Variants in POU6F2 observed in about 807,000 individuals in gnomAD.
The protein encoded by POU6F2 is POU domain, class 6, transcription factor 2.
A neutral mutation model predicts 71.3 loss-of-function variants in POU6F2; 31 were observed. That is an observed-to-expected ratio of 0.43 (90% CI 0.33 to 0.59). POU6F2 has a LOEUF of 0.59. Ranked by LOEUF, POU6F2 falls within the 20% of genes least tolerant of loss-of-function variation. The pLI is 0.04. For synonymous variants in POU6F2, 347 were observed against 355.7 expected, an observed-to-expected ratio of 0.98 and a Z score of 0.27; for missense variants, 783 against 856.8, an observed-to-expected ratio of 0.91 and a Z score of 1.07.
rs547222132 is a variant in POU6F2, at chr7:39,202,310, G to A, written c.278-1925G>A. Among the ~76,000 whole-genome samples the A allele has an allele frequency of 3.9e-5, 6 of 152,252 alleles. No homozygotes were observed. In the South Asian group the frequency reaches 1.2e-3, roughly 32 times the overall value. ...AAAGAAAAAAGAGACAGAAGGGCTT[G>A]GCATGGTATAGAAATTTTTTAGAAT... On this transcript the variant is annotated intron_variant, in intron 2 of 9. Coordinates refer to ENST00000518318, the MANE Select transcript of POU6F2 (RefSeq NM_001370959.1).
intron 5 of POU6F2, among the ~76,000 whole-genome samples, chr7:39,357,305 T>C (rs2115695355): frequency 6.6e-6 from 1 of 152,280 alleles, no homozygotes; most frequent in Middle Eastern, 3.4e-3. Context: ...ACAAAAACAC[T>C]GCTGGGCACT....
chr7:39,275,123 A>C (rs938552263), intron 4 of POU6F2, among the ~76,000 whole-genome samples: 1 of 152,146 alleles, frequency 6.6e-6, no homozygotes, highest in Non-Finnish European at 1.5e-5. Context: ...CCCTGTTTGC[A>C]GATGACATGA....
intron 1 of POU6F2, among the ~76,000 whole-genome samples, chr7:39,047,374 C>T (rs1191521069): frequency 1.3e-5 from 2 of 151,760 alleles, no homozygotes; most frequent in Non-Finnish European, 2.9e-5. Flanking sequence ...TATTTCTTTA[C>T]CTCCCTTTAT....
At chr7:39,443,241 G>A (rs934801737) in intron 7 of POU6F2, among the ~76,000 whole-genome samples, 19 of 152,158 alleles carry the variant, frequency 1.2e-4, no homozygotes, top group Admixed American at 1.2e-3. Context: ...TCTTGGGGAT[G>A]TACCTTGCAA....
At chr7:39,433,855 C>T (rs1788167068) in intron 7 of POU6F2, among the ~76,000 whole-genome samples, 2 of 152,196 alleles carry the variant, frequency 1.3e-5, no homozygotes, top group South Asian at 4.1e-4. Flanking sequence ...TGGTCCCTGA[C>T]CTCATGGAGT....
chr7:39,330,338 A>G (rs1261782531), intron 4 of POU6F2, among the ~76,000 whole-genome samples: 1 of 152,150 alleles, frequency 6.6e-6, no homozygotes, highest in Non-Finnish European at 1.5e-5. Flanking sequence ...TTAAGTCTCT[A>G]TTTGTTCTGT....
chr7:39,154,512 A>T (rs1265777064), intron 2 of POU6F2, among the ~76,000 whole-genome samples: 2 of 152,140 alleles, frequency 1.3e-5, no homozygotes. Context: ...CACATCTAAG[A>T]TCCTTAAAGG....
intron 1 of POU6F2, among the ~76,000 whole-genome samples, chr7:39,032,462 A>G (rs1337263127): frequency 1.3e-5 from 2 of 152,230 alleles, no homozygotes; most frequent in African/African-American, 4.8e-5. Context: ...CAGTTGAATG[A>G]GGTTTGCACA....
intron 5 of POU6F2, among the ~76,000 whole-genome samples, chr7:39,354,272 T>G (rs1583546148): frequency 6.6e-6 from 1 of 152,400 alleles, no homozygotes; most frequent in African/African-American, 2.4e-5. Context: ...GCTTTTGTTT[T>G]TTCCATTTAA....
intron 2 of POU6F2, among the ~76,000 whole-genome samples, chr7:39,164,274 T>C (rs189092198): frequency 4.6e-5 from 7 of 151,204 alleles, no homozygotes; most frequent in African/African-American, 1.4e-4. Context: ...CATCGATTTT[T>C]TTTTTACCGT....
chr7:39,286,865 G>A (rs1784659400), intron 4 of POU6F2, among the ~76,000 whole-genome samples: 1 of 151,866 alleles, frequency 6.6e-6, no homozygotes. Flanking sequence ...TGGCCTCAAG[G>A]GATCCTCCCA....
intron 2 of POU6F2, among the ~76,000 whole-genome samples, chr7:39,090,961 A>T (rs1043608932): frequency 6.6e-6 from 1 of 151,284 alleles, no homozygotes; most frequent in Non-Finnish European, 1.5e-5. Flanking sequence ...GAAAAAAAAA[A>T]TGCACATTTG....
intron 1 of POU6F2, among the ~76,000 whole-genome samples, chr7:39,045,719 T>C (rs1164844120): frequency 6.6e-6 from 1 of 151,900 alleles, no homozygotes; most frequent in Non-Finnish European, 1.5e-5. Context: ...CTACAGCCAG[T>C]CTCCACTCCT....
chr7:39,066,748 A>T (rs1562692290), intron 1 of POU6F2, among the ~76,000 whole-genome samples: 1 of 150,882 alleles, frequency 6.6e-6, no homozygotes, highest in Admixed American at 6.6e-5. Flanking sequence ...AATTTGACAA[A>T]ATGATTCTAA....
chr7:39,309,646 T>TA (rs928309859), intron 4 of POU6F2, among the ~76,000 whole-genome samples: 1 of 152,238 alleles, frequency 6.6e-6, no homozygotes, highest in African/African-American at 2.4e-5. Flanking sequence ...GTTAACATTT[T>TA]AATTGCATAA....
intron 2 of POU6F2, among the ~76,000 whole-genome samples, chr7:39,139,554 A>G (rs892751759): frequency 1.3e-5 from 2 of 152,162 alleles, no homozygotes; most frequent in African/African-American, 4.8e-5. Context: ...CTGTTTTCCA[A>G]TCCTAATACT....
intron 7 of POU6F2, among the ~76,000 whole-genome samples, chr7:39,444,377 A>C (rs1054187697): frequency 3.3e-5 from 5 of 152,226 alleles, no homozygotes; most frequent in African/African-American, 1.2e-4. Flanking sequence ...TGAGCTCAGG[A>C]GTTCGAGACC....
chr7:39,375,246 G>A (rs936056417), intron 5 of POU6F2, among the ~76,000 whole-genome samples: 1 of 152,160 alleles, frequency 6.6e-6, no homozygotes, highest in Non-Finnish European at 1.5e-5. Context: ...TGACCCGGGA[G>A]CGAGACCACA....
intron 1 of POU6F2, among the ~76,000 whole-genome samples, chr7:39,008,983 A>G (rs1452111528): frequency 6.6e-6 from 1 of 151,878 alleles, no homozygotes; most frequent in Non-Finnish European, 1.5e-5. Flanking sequence ...TTCTTTTGGC[A>G]TAGGATTGAC....
Sources: gnomAD v4.1 joint callset for allele counts (sites outside exome capture counted in the v4.1 genomes callset) on GRCh38, gnomAD v4.1.1 for gene constraint, MANE v1.5 for transcripts, NCBI Gene and HGNC (gene_info 2026-07-23, HGNC 2026-07-21) for gene names.